OSBP2: variants seen among roughly 807,000 people sequenced by gnomAD.
OSBP2 encodes the protein oxysterol binding protein 2, also known as oxysterol-binding protein 2.
Under a neutral mutation model 96.0 loss-of-function variants are expected in OSBP2, and 66 were observed. The ratio of observed to expected loss-of-function variants is 0.69; its 90% CI spans 0.56 to 0.84. The LOEUF is 0.84. OSBP2 is among the 40% of genes least tolerant of loss of function. OSBP2 has a pLI of 0.00. For synonymous variants in OSBP2, 525 were observed against 520.9 expected (o/e 1.01, Z -0.11); for missense variants, 1,038 against 1,222.7 (o/e 0.85, Z 2.25).
chr22:30,749,357 C>T (rs1220747979), intron 2 of OSBP2, among the ~76,000 whole-genome samples: 1 of 152,272 alleles, frequency 6.6e-6, no homozygotes, highest in African/African-American at 2.4e-5. Context: ...ATCATTAGCT[C>T]ATTCTCTTAA....
intron 2 of OSBP2, among the ~76,000 whole-genome samples, chr22:30,750,771 GTC>G (rs2090065050): frequency 6.6e-6 from 1 of 152,158 alleles, no homozygotes; most frequent in Non-Finnish European, 1.5e-5. Flanking sequence ...TTGAGATGGA[GTC>G]TCTATCTGTT....
At chr22:30,739,746 CAG>C (rs772295758) in intron 1 of OSBP2, among the ~76,000 whole-genome samples, 2 of 152,184 alleles carry the variant, frequency 1.3e-5, no homozygotes, top group Non-Finnish European at 2.9e-5. Context: ...GTAATTCACA[CAG>C]AGTCTGCTGT....
At chr22:30,813,171 CTTTTTTTTTT>C (rs911860511) in intron 2 of OSBP2, among the ~76,000 whole-genome samples, 1 of 78,588 alleles carries the variant, frequency 1.3e-5, no homozygotes, top group Admixed American at 1.4e-4. Context: ...ATGTTGCATT[CTTTTTTTTTT>C]TTTTTTTTTT....
chr22:30,822,125 G>A (rs560322673), intron 2 of OSBP2, among the ~76,000 whole-genome samples: 1 of 152,342 alleles, frequency 6.6e-6, no homozygotes, highest in East Asian at 1.9e-4. Context: ...CAGAAGATGA[G>A]AGGGTCTCAG....
At chr22:30,826,503 T>TC (rs903182696) in intron 2 of OSBP2, among the ~76,000 whole-genome samples, 16 of 152,148 alleles carry the variant, frequency 1.1e-4, no homozygotes, top group African/African-American at 3.6e-4. Context: ...TCCTGAAGTT[T>TC]CCCCCGACCT....
At chr22:30,807,207 C>A (rs1443410424) in intron 2 of OSBP2, among the ~76,000 whole-genome samples, 5 of 152,158 alleles carry the variant, frequency 3.3e-5, no homozygotes, top group Admixed American at 3.3e-4. Context: ...CCCATCTCTC[C>A]TACCTTGAAC....
At chr22:30,702,996 T>TA (rs2089187814) in intron 1 of OSBP2, among the ~76,000 whole-genome samples, 1 of 152,222 alleles carries the variant, frequency 6.6e-6, no homozygotes, top group South Asian at 2.1e-4. Context: ...GAATTTTTCT[T>TA]AATTTGTCTT....
intron 2 of OSBP2, among the ~76,000 whole-genome samples, chr22:30,853,740 G>A (rs2039021552): frequency 6.7e-6 from 1 of 150,106 alleles, no homozygotes; most frequent in Non-Finnish European, 1.5e-5. Context: ...TCTTCTACTA[G>A]CTCATAAGCT....
chr22:30,729,547 A>G (rs1182029831), intron 1 of OSBP2, among the ~76,000 whole-genome samples: 1 of 152,088 alleles, frequency 6.6e-6, no homozygotes, highest in East Asian at 1.9e-4. Flanking sequence ...CTGAGGCAGG[A>G]GAATCGTTTG....
chr22:30,708,387 C>T (rs2089289990), intron 1 of OSBP2, among the ~76,000 whole-genome samples: 3 of 150,766 alleles, frequency 2.0e-5, no homozygotes, highest in South Asian at 4.2e-4. Context: ...AATCTCGTTT[C>T]ATCTCAGTCC....
upstream of OSBP2, chr22:30,694,489 T>G (rs1275665432): frequency 6.5e-6 from 7 of 1,082,020 alleles, no homozygotes; most frequent in East Asian, 1.3e-4. Flanking sequence ...CCAGCCTGGG[T>G]TGGGGGAGGG....
intron 3 of OSBP2, among the ~76,000 whole-genome samples, chr22:30,878,085 G>A (rs1306472373): frequency 6.6e-6 from 1 of 152,246 alleles, no homozygotes; most frequent in African/African-American, 2.4e-5. Context: ...GCACCCTGGA[G>A]TGCGCACTGG....
At chr22:30,799,116 T>C (rs867156435) in intron 2 of OSBP2, among the ~76,000 whole-genome samples, 59 of 111,674 alleles carry the variant, frequency 5.3e-4, no homozygotes, top group East Asian at 2.3e-3. Flanking sequence ...TTCCTTCCTT[T>C]CTTTCTCTTT....
chr22:30,903,626 C>G (rs2040262999), intron 12 of OSBP2, among the ~76,000 whole-genome samples: 1 of 152,264 alleles, frequency 6.6e-6, no homozygotes, highest in Non-Finnish European at 1.5e-5. Flanking sequence ...CGAGGTTCCC[C>G]TCTCTGGCCA....
intron 2 of OSBP2, among the ~76,000 whole-genome samples, chr22:30,746,437 T>C (rs975301896): frequency 4.0e-5 from 6 of 148,876 alleles, no homozygotes; most frequent in Non-Finnish European, 8.9e-5. Flanking sequence ...AAAAAAATTA[T>C]ACCAATTCTT....
chr22:30,694,338 C>T, upstream of OSBP2: 2 of 1,545,840 alleles, frequency 1.3e-6, no homozygotes, highest in Non-Finnish European at 1.7e-6. Flanking sequence ...GAGCGACCCA[C>T]AGACAGGTAA....
At chr22:30,880,351 G>A (rs886288823) in intron 3 of OSBP2, among the ~76,000 whole-genome samples, 5 of 152,216 alleles carry the variant, frequency 3.3e-5, no homozygotes, top group African/African-American at 7.2e-5. Context: ...CAGATGCCTG[G>A]CAGGTCCTGG....
chr22:30,826,233 G>A lies in OSBP2; in HGVS notation c.854-44196G>A, dbSNP rs144139011. Among the ~76,000 whole-genome samples the A allele has an allele frequency of 4.6e-5, 7 of 152,304 alleles. No homozygotes were observed. In the East Asian group the frequency reaches 5.8e-4, roughly 13 times the overall value. On this transcript the variant is annotated intron_variant, in intron 2 of 13. Coordinates refer to ENST00000332585, the MANE Select transcript of OSBP2 (RefSeq NM_030758.4). ...CTTTTAGGGGACAGCTTGCCAAAGT[G>A]CACTGTCTATATTTGGCATCTGCTG...
chr22:30,730,760 CTCTCTCT>C (rs766903964), intron 1 of OSBP2, among the ~76,000 whole-genome samples: 462 of 41,980 alleles, frequency 0.011, 30 homozygotes, highest in Admixed American at 0.02. Flanking sequence ...CTCTCTCTCT[CTCTCTCT>C]CTCTCTCTAT....
Sources: allele counts gnomAD v4.1 joint callset (sites outside exome capture counted in the v4.1 genomes callset), GRCh38; gene constraint gnomAD v4.1.1; transcripts MANE v1.5; gene names NCBI Gene and HGNC (gene_info 2026-07-23, HGNC 2026-07-21).